The following HDAC9 variants were observed in gnomAD, a reference collection of about 807,000 sequenced individuals.
The protein encoded by HDAC9 is MEF-2 interacting transcription repressor (MITR) protein.
In HDAC9, 41 loss-of-function variants were observed where a neutral mutation model predicts 139.4. The observed-to-expected ratio is 0.29, with a 90% CI of 0.23 to 0.38. The LOEUF is 0.38. Ranked by LOEUF, HDAC9 falls within the 10% of genes least tolerant of loss-of-function variation. The pLI is 1.00. For synonymous variants in HDAC9, 517 were observed against 476.2 expected (o/e 1.09, Z -1.12); for missense variants, 1,147 against 1,297.0 (o/e 0.88, Z 1.78).
chr7:18,444,401 C>T (rs982500456), intron 1 of HDAC9, among the ~76,000 whole-genome samples: 6 of 130,562 alleles, frequency 4.6e-5, no homozygotes, highest in African/African-American at 1.7e-4. Flanking sequence ...TAATGAAGTA[C>T]ATGTCTCAAT....
intron 24 of HDAC9, among the ~76,000 whole-genome samples, chr7:18,963,058 C>G (rs1374855582): frequency 1.3e-5 from 2 of 152,226 alleles, no homozygotes; most frequent in African/African-American, 2.4e-5. Flanking sequence ...AGTATAGACA[C>G]TATAACAGGA....
intron 1 of HDAC9, among the ~76,000 whole-genome samples, chr7:18,108,543 T>C (rs982166787): frequency 2.0e-5 from 3 of 151,840 alleles, no homozygotes; most frequent in Non-Finnish European, 2.9e-5. Flanking sequence ...TCTTTCAAAA[T>C]GGAGAATCAA....
At chr7:18,838,532 A>G (rs1189330657) in intron 21 of HDAC9, among the ~76,000 whole-genome samples, 1 of 151,988 alleles carries the variant, frequency 6.6e-6, no homozygotes, top group Non-Finnish European at 1.5e-5. Flanking sequence ...AAAATGAATC[A>G]TATTTTGTAA....
intron 2 of HDAC9, among the ~76,000 whole-genome samples, chr7:18,177,835 T>C (rs1015097891): frequency 2.0e-5 from 3 of 152,034 alleles, no homozygotes; most frequent in Non-Finnish European, 4.4e-5. Flanking sequence ...GCCAAATAAG[T>C]GAAGAATAAA....
At chr7:18,778,685 C>G (rs1021318586) in intron 16 of HDAC9, among the ~76,000 whole-genome samples, 3 of 151,980 alleles carry the variant, frequency 2.0e-5, no homozygotes, top group African/African-American at 7.2e-5. Flanking sequence ...GGCCACATAA[C>G]CCACAGGAAT....
chr7:18,718,708 T>C (rs1562879452), intron 12 of HDAC9, among the ~76,000 whole-genome samples: 1 of 152,216 alleles, frequency 6.6e-6, no homozygotes, highest in Non-Finnish European at 1.5e-5. Context: ...ACTTTGGGCT[T>C]TCACGAATAG....
chr7:18,518,745 A>G (rs1300097860), intron 2 of HDAC9, among the ~76,000 whole-genome samples: 1 of 152,252 alleles, frequency 6.6e-6, no homozygotes, highest in African/African-American at 2.4e-5. Flanking sequence ...AAGGCCAGTA[A>G]TAGCCCTGGC....
rs56249427 is a variant in HDAC9 at position 18,859,811 on chromosome 7, C to CATATATATAT, written c.2685-14628_2685-14619dup. On this transcript the variant is annotated intron_variant, in intron 21 of 25. Transcript: ENST00000686413. ...GAAGAAATATAAAGGCTAACGCTCT[C>CATATATATAT]ATATATATATATATATATATATATA... is the stretch of plus-strand genomic sequence containing the variant. Among the ~76,000 whole-genome samples, 52 of 44,832 alleles carry CATATATATAT rather than the reference C, an allele frequency of 1.2e-3. 1 individual carries two copies. The highest frequency in any genetic ancestry group is 1.6e-3 in the Non-Finnish European group (33 of 20,160). 29.4% of individuals were successfully genotyped at this position (44,832 alleles called of 152,430 possible).
intron 22 of HDAC9, among the ~76,000 whole-genome samples, chr7:18,932,064 GGAAA>G (rs1258212173): frequency 6.6e-6 from 1 of 152,080 alleles, no homozygotes; most frequent in Non-Finnish European, 1.5e-5. Flanking sequence ...ATGTTAATAT[GGAAA>G]GAAAGAGACT....
At position 18,998,325 on chromosome 7, in the gene HDAC9, A is replaced by C. The variant is rs1786577949; in HGVS notation, c.*2263A>C. ...ACAGTTTAGCCACATGTTTATGCCA[A>C]GCCATTAATCTGATAAAGCCAAATC... is the stretch of plus-strand genomic sequence containing the variant. On this transcript the variant is annotated 3_prime_UTR_variant, in exon 26 of 26. Transcript: ENST00000686413. 6.6e-6 allele frequency: 1 copy of C among 152,242 alleles called. No homozygotes were observed. Among genetic ancestry groups the C allele is most frequent in the South Asian group, 2.1e-4 (1 of 4,834 alleles). 9.4% of individuals were successfully genotyped at this position (152,242 alleles called of 1,614,324 possible). A position where few individuals can be genotyped will look rare whatever the true frequency, so the allele number is the denominator to read the frequency against.
intron 16 of HDAC9, among the ~76,000 whole-genome samples, chr7:18,788,200 C>T (rs969386832): frequency 3.3e-5 from 5 of 152,154 alleles, no homozygotes; most frequent in Admixed American, 2.0e-4. Context: ...AGTAGCCTCC[C>T]TTTGGCTCAC....
chr7:18,163,962 A>T (rs1045977601), intron 2 of HDAC9, among the ~76,000 whole-genome samples: 1 of 152,174 alleles, frequency 6.6e-6, no homozygotes, highest in African/African-American at 2.4e-5. Flanking sequence ...TGATGAGGAA[A>T]TTCTTGCGAG....
intron 6 of HDAC9, among the ~76,000 whole-genome samples, chr7:18,611,315 C>G (rs1049532294): frequency 7.2e-5 from 11 of 152,010 alleles, no homozygotes; most frequent in African/African-American, 2.7e-4. Flanking sequence ...GAGATCACAA[C>G]TAGCAAGAAT....
At chr7:18,893,032 C>CAA (rs1563029303) in intron 22 of HDAC9, among the ~76,000 whole-genome samples, 11 of 2,750 alleles carry the variant, frequency 4.0e-3, no homozygotes, top group Admixed American at 0.025. Flanking sequence ...GGTAATAGGC[C>CAA]GAAAAAAAAA....
At chr7:18,820,494 A>G (rs187539166) in intron 17 of HDAC9, among the ~76,000 whole-genome samples, 40 of 152,186 alleles carry the variant, frequency 2.6e-4, no homozygotes, top group African/African-American at 8.4e-4. Flanking sequence ...AAAATATTTT[A>G]TGTGTTTTAA....
chr7:18,637,101 A>G (rs1784133753), intron 8 of HDAC9, among the ~76,000 whole-genome samples: 1 of 152,088 alleles, frequency 6.6e-6, no homozygotes, highest in African/African-American at 2.4e-5. Flanking sequence ...ACAACATGGG[A>G]GGATTTTATT....
chr7:18,630,622 G>A (rs996945580), intron 7 of HDAC9, among the ~76,000 whole-genome samples: 3 of 151,928 alleles, frequency 2.0e-5, no homozygotes, highest in Non-Finnish European at 2.9e-5. Flanking sequence ...GTATTTCCTT[G>A]GGATAAGAAA....
intron 2 of HDAC9, among the ~76,000 whole-genome samples, chr7:18,277,922 C>G (rs920593026): frequency 6.6e-6 from 1 of 152,164 alleles, no homozygotes; most frequent in Non-Finnish European, 1.5e-5. Flanking sequence ...TTTAAAAAAA[C>G]TTGTTATCGT....
At chr7:18,409,206 T>C (rs1373837909) in intron 1 of HDAC9, among the ~76,000 whole-genome samples, 1 of 152,186 alleles carries the variant, frequency 6.6e-6, no homozygotes, top group East Asian at 1.9e-4. Context: ...AATTGGCAGG[T>C]TAAACTTTTA....
Sources: gnomAD v4.1 joint callset for allele counts (sites outside exome capture counted in the v4.1 genomes callset) on GRCh38, gnomAD v4.1.1 for gene constraint, MANE v1.5 for transcripts, NCBI Gene and HGNC (gene_info 2026-07-23, HGNC 2026-07-21) for gene names.